The following CREBBP variants were observed in gnomAD, a reference collection of about 807,000 sequenced individuals.
CREBBP encodes the protein CREB-binding protein.
CREBBP carries 19 observed loss-of-function variants against 265.0 expected under a neutral mutation model. The ratio of observed to expected loss-of-function variants is 0.07; its 90% CI spans 0.05 to 0.11. The LOEUF (loss-of-function observed/expected upper bound fraction) is 0.11. CREBBP is among the 10% of genes least tolerant of loss of function. The pLI is 1.00. For synonymous variants in CREBBP, 1,457 were observed against 1,223.7 expected (o/e 1.19, Z -3.98); for missense variants, 2,525 against 3,219.0 (o/e 0.78, Z 5.22).
At chr16:3,773,689 A>G in intron 13 of CREBBP, 62 bp downstream of exon 13, 1 of 1,571,612 alleles carries the variant, frequency 6.4e-7, no homozygotes, top group Middle Eastern at 1.7e-4. Context: ...GAAAAAAAAA[A>G]CCAAAACTTA....
At chr16:3,832,849 T>G (rs1206772580) in intron 2 of CREBBP, among the ~76,000 whole-genome samples, 1 of 151,464 alleles carries the variant, frequency 6.6e-6, no homozygotes. Context: ...CTCACAGGAA[T>G]GCAAGGCTGG....
Position 3,770,948 on chromosome 16 carries a change from G to A in CREBBP, c.2502C>T (p.Asn834=), listed in dbSNP as rs752606825. Reference sequence around the variant, plus strand: ...GCTGGCTGGCCTGAGGCCCCAGCATGTTGAGAGGGTTAGGAAGAGCAGCAC... The same window carrying A: ...GCTGGCTGGCCTGAGGCCCCAGCATATTGAGAGGGTTAGGAAGAGCAGCAC... ...VPGAALPNPL[N]MLGPQASQLP... Residue 834 remains asparagine, a synonymous_variant, in exon 14 of 31, where the codon AAC becomes AAT. Transcript: ENST00000262367. 1.2e-6 allele frequency: 2 copies of A among 1,613,736 alleles called. No individual in the cohort carries two copies. Among genetic ancestry groups the A allele is most frequent in the Non-Finnish European group, 1.7e-6 (2 of 1,180,026 alleles).
chr16:3,804,365 A>G (rs1288878637), intron 3 of CREBBP, among the ~76,000 whole-genome samples: 1 of 152,222 alleles, frequency 6.6e-6, no homozygotes, highest in East Asian at 1.9e-4. Context: ...AACATAAACA[A>G]AAATTTACAC....
chr16:3,841,617 G>A (rs545520299), intron 2 of CREBBP, among the ~76,000 whole-genome samples: 26 of 152,128 alleles, frequency 1.7e-4, no homozygotes, highest in African/African-American at 6.3e-4. Flanking sequence ...CTCTAGCCTG[G>A]GTGACAGAGT....
chr16:3,870,880 C>T (rs1246197116), intron 1 of CREBBP, among the ~76,000 whole-genome samples: 1 of 152,058 alleles, frequency 6.6e-6, no homozygotes, highest in South Asian at 2.1e-4. Flanking sequence ...GAGCCAGGCA[C>T]AGTGGCTCCA....
chr16:3,789,686 A>C (rs1402165002), intron 5 of CREBBP, among the ~76,000 whole-genome samples: 1 of 151,902 alleles, frequency 6.6e-6, no homozygotes, highest in Non-Finnish European at 1.5e-5. Flanking sequence ...GATATTGCTG[A>C]AACCTTGTCA....
At chr16:3,868,282 A>T (rs2055221294) in intron 1 of CREBBP, among the ~76,000 whole-genome samples, 1 of 128,920 alleles carries the variant, frequency 7.8e-6, no homozygotes, top group Non-Finnish European at 1.8e-5. Flanking sequence ...TTTAAAAGAA[A>T]ATTGTTTGTA....
At chr16:3,759,585 C>T (rs886602679) in intron 16 of CREBBP, among the ~76,000 whole-genome samples, 2 of 118,518 alleles carry the variant, frequency 1.7e-5, no homozygotes, top group Non-Finnish European at 3.0e-5. Context: ...AAAACTCTGT[C>T]TCCAAAAAAA....
chr16:3,735,927 G>A (rs932540135), intron 28 of CREBBP, 109 bp downstream of exon 28: 22 of 1,582,328 alleles, frequency 1.4e-5, no homozygotes, highest in Admixed American at 6.7e-5. Flanking sequence ...ATGTGTGAAC[G>A]GAGACACCAC....
At chr16:3,779,266 T>A (rs1208696093) in intron 8 of CREBBP, among the ~76,000 whole-genome samples, 2 of 150,342 alleles carry the variant, frequency 1.3e-5, no homozygotes, top group East Asian at 3.9e-4. Context: ...TTTGAACTCC[T>A]GGGCTCAATG....
intron 1 of CREBBP, among the ~76,000 whole-genome samples, chr16:3,853,177 C>T (rs540699961): frequency 6.6e-6 from 1 of 152,264 alleles, no homozygotes; most frequent in East Asian, 1.9e-4. Context: ...CCTCATAACG[C>T]TGTTGTGAGG....
intron 5 of CREBBP, among the ~76,000 whole-genome samples, chr16:3,788,449 G>A (rs994508440): frequency 3.0e-4 from 45 of 152,234 alleles, no homozygotes; most frequent in Non-Finnish European, 3.4e-4. Flanking sequence ...GGCAGCATAA[G>A]CCCCAAGAGG....
At chr16:3,872,403 T>C (rs970863870) in intron 1 of CREBBP, among the ~76,000 whole-genome samples, 21 of 152,126 alleles carry the variant, frequency 1.4e-4, no homozygotes, top group African/African-American at 4.3e-4. Flanking sequence ...TGGCCTATTG[T>C]AGCACCCCTG....
intron 1 of CREBBP, among the ~76,000 whole-genome samples, chr16:3,851,893 CCGGGCATGGTGG>C (rs2054848665): frequency 7.0e-6 from 1 of 143,634 alleles, no homozygotes; most frequent in African/African-American, 2.6e-5. Context: ...AAAACATTAG[CCGGGCATGGTGG>C]CGGGCGCCTG....
intron 1 of CREBBP, among the ~76,000 whole-genome samples, chr16:3,856,810 G>A (rs929901988): frequency 6.6e-6 from 1 of 152,196 alleles, no homozygotes; most frequent in African/African-American, 2.4e-5. Context: ...TTATATTTAA[G>A]TTTGGAAAAA....
At chr16:3,781,390 C>T in intron 6 of CREBBP, 84 bp from the exon 7 acceptor site, 1 of 1,077,314 alleles carries the variant, frequency 9.3e-7, no homozygotes, top group Non-Finnish European at 1.4e-6. Context: ...CAACATGCCA[C>T]CATATAAACA....
chr16:3,781,110 T>C (rs889534160), intron 7 of CREBBP, 94 bp downstream of exon 7: 2 of 1,277,250 alleles, frequency 1.6e-6, no homozygotes, highest in Non-Finnish European at 2.3e-6. Flanking sequence ...TTTAAACTAT[T>C]TTCTCTGCCA....
rs372055982 is a variant in CREBBP at position 3,757,983 on chromosome 16, C to T, written c.3435G>A (p.Gly1145=). The change falls in exon 18 of 31, where the codon GGG becomes GGA. Residue 1145 remains glycine (G), a synonymous_variant. Coordinates refer to ENST00000262367, the MANE Select transcript of CREBBP (RefSeq NM_004380.3). ...LSTIKRKLDT[G]QYQEPWQYVD... ...CGTACTGCCAGGGCTCTTGGTATTGCCCTGTGTCCAGCTTCCGCTTGATGG... is the reference window on the plus strand; with the variant it reads ...CGTACTGCCAGGGCTCTTGGTATTGTCCTGTGTCCAGCTTCCGCTTGATGG... 1.2e-6 allele frequency: 2 copies of T among 1,613,628 alleles called. No individual in the cohort carries two copies. The highest frequency in any genetic ancestry group is 1.7e-5 in the Admixed American group (1 of 59,988).
At position 3,726,815 on chromosome 16, in the gene CREBBP, C is replaced by CT. The variant is rs977558375; in HGVS notation, c.*902dup. ...GTACATGAATTCAAGAAGGACCACC[C>CT]TTTTTGTCTGTTGCACACAGTTTAT... On this transcript the variant is annotated 3_prime_UTR_variant, in exon 31 of 31. Coordinates refer to ENST00000262367, the MANE Select transcript of CREBBP (RefSeq NM_004380.3). 9.4e-5 allele frequency: 22 copies of CT among 233,560 alleles called. No individual in the cohort carries two copies. Among genetic ancestry groups the CT allele is most frequent in the African/African-American group, 4.8e-4 (22 of 45,452 alleles). 14.5% of individuals were successfully genotyped at this position (233,560 alleles called of 1,614,324 possible).
Sources: allele counts gnomAD v4.1 joint callset (sites outside exome capture counted in the v4.1 genomes callset), GRCh38; gene constraint gnomAD v4.1.1; transcripts MANE v1.5; gene names NCBI Gene and HGNC (gene_info 2026-07-23, HGNC 2026-07-21).